Variants in ANK2 observed in about 807,000 individuals in gnomAD.
The protein encoded by ANK2 is ankyrin 2.
Under a neutral mutation model 360.5 loss-of-function variants are expected in ANK2, and 83 were observed. The observed-to-expected ratio is 0.23, with a 90% CI of 0.19 to 0.28. ANK2 has a LOEUF of 0.28. Among genes scored for constraint, ANK2 ranks in the 10% least tolerant of loss-of-function variants. The probability of loss-of-function intolerance (pLI) is 1.00; values close to 1 mark genes in which losing one functional copy is unlikely to be tolerated. For synonymous variants in ANK2, 1,740 were observed against 1,759.5 expected, an observed-to-expected ratio of 0.99 and a Z score of 0.28; for missense variants, 4,201 against 4,795.7, an observed-to-expected ratio of 0.88 and a Z score of 3.66.
At chr4:112,719,469 C>T in the ANK2 span, among the ~76,000 whole-genome samples, 1 of 152,086 alleles carries the variant, frequency 6.6e-6, no homozygotes, top group Non-Finnish European at 1.5e-5. Flanking sequence ...TGGCTCAATC[C>T]TGTAATCCCA....
intron 1 of ANK2, among the ~76,000 whole-genome samples, chr4:113,137,856 G>C (rs1035974339): frequency 5.9e-5 from 9 of 152,140 alleles, no homozygotes; most frequent in African/African-American, 2.2e-4. Context: ...ATTTCTAGCA[G>C]CATGTAGCTA....
intron 2 of ANK2, among the ~76,000 whole-genome samples, chr4:112,998,889 T>G (rs1020811974): frequency 6.6e-6 from 1 of 152,198 alleles, no homozygotes; most frequent in East Asian, 1.9e-4. Flanking sequence ...TTTGGAGAAG[T>G]CTTTCTGTAT....
chr4:112,925,731 G>T (rs1374413708), intron 2 of ANK2, among the ~76,000 whole-genome samples: 1 of 152,182 alleles, frequency 6.6e-6, no homozygotes, highest in African/African-American at 2.4e-5. Context: ...AGAAGAGTTG[G>T]CTGTTACAGA....
chr4:113,314,959 C>T (rs1216755677), intron 24 of ANK2, among the ~76,000 whole-genome samples: 1 of 152,080 alleles, frequency 6.6e-6, no homozygotes, highest in Non-Finnish European at 1.5e-5. Context: ...TTCATTGTTG[C>T]TCCCTCTCTC....
At chr4:112,885,283 G>A (rs1360003156) in intron 1 of ANK2, among the ~76,000 whole-genome samples, 2 of 151,664 alleles carry the variant, frequency 1.3e-5, no homozygotes, top group African/African-American at 2.4e-5. Context: ...GGTGGATCAC[G>A]AGGTCAGGAG....
At chr4:112,999,840 C>T (rs2049980716) in intron 2 of ANK2, among the ~76,000 whole-genome samples, 1 of 152,046 alleles carries the variant, frequency 6.6e-6, no homozygotes. Context: ...TATAGAATGT[C>T]TTAGAGATGA....
At chr4:112,712,228 T>C in the ANK2 span, among the ~76,000 whole-genome samples, 1 of 149,810 alleles carries the variant, frequency 6.7e-6, no homozygotes, top group Non-Finnish European at 1.5e-5. Context: ...TACAGGCATG[T>C]GCCACCATGC....
At chr4:113,174,960 G>A (rs1180357779) in intron 2 of ANK2, among the ~76,000 whole-genome samples, 1 of 152,120 alleles carries the variant, frequency 6.6e-6, no homozygotes, top group Non-Finnish European at 1.5e-5. Context: ...GGCTCATAAT[G>A]AGAATAATTT....
At chr4:113,103,408 T>A (rs550253085) in intron 1 of ANK2, among the ~76,000 whole-genome samples, 17 of 152,274 alleles carry the variant, frequency 1.1e-4, no homozygotes, top group African/African-American at 3.6e-4. Context: ...TACAAAAACA[T>A]CAACTGTTTT....
intron 16 of ANK2, 72 bp downstream of exon 16, chr4:113,278,007 T>G: frequency 7.2e-7 from 1 of 1,395,652 alleles, no homozygotes; most frequent in Non-Finnish European, 1.0e-6. Context: ...AAAGACATTT[T>G]TCTCACTTCT....
chr4:112,707,087 C>T, the ANK2 span, among the ~76,000 whole-genome samples: 2 of 152,094 alleles, frequency 1.3e-5, no homozygotes, highest in African/African-American at 4.8e-5. Flanking sequence ...CCATTGACTG[C>T]AAATAGGAAA....
intron 1 of ANK2, among the ~76,000 whole-genome samples, chr4:113,073,438 T>C (rs1170901311): frequency 6.6e-6 from 1 of 152,182 alleles, no homozygotes; most frequent in Non-Finnish European, 1.5e-5. Context: ...ACTGGGATTG[T>C]GCAGCCAGGA....
intron 2 of ANK2, among the ~76,000 whole-genome samples, chr4:112,977,592 T>C (rs1315041025): frequency 6.6e-6 from 1 of 151,908 alleles, no homozygotes; most frequent in Non-Finnish European, 1.5e-5. Flanking sequence ...TACTTTAAGT[T>C]CTGGGATACA....
intron 1 of ANK2, among the ~76,000 whole-genome samples, chr4:113,116,234 A>C (rs2094757034): frequency 6.6e-6 from 1 of 152,184 alleles, no homozygotes; most frequent in South Asian, 2.1e-4. Context: ...AAAGCCTTTG[A>C]TAATTAATAA....
Position 113,312,227 on chromosome 4 carries a change from C to A in ANK2, c.2693+828C>A, listed in dbSNP as rs533111415. ...CTGAGTTGGAGGATCCCTTGAGCCC[C>A]AGAATTCAAGTCCAGGCTGGGCAAC... On this transcript the variant is annotated intron_variant, in intron 24 of 45. Coordinates refer to ENST00000357077, the MANE Select transcript of ANK2 (RefSeq NM_001148.6). Among the ~76,000 whole-genome samples, 9 of 148,620 alleles carry A rather than the reference C, an allele frequency of 6.1e-5. No homozygotes were observed. In the South Asian group the frequency reaches 1.5e-3, roughly 25 times the overall value.
chr4:113,208,820 G>T (rs1562900130), intron 4 of ANK2, among the ~76,000 whole-genome samples: 1 of 151,884 alleles, frequency 6.6e-6, no homozygotes, highest in Non-Finnish European at 1.5e-5. Context: ...TTTGGTTTTG[G>T]TGAGGAGAGT....
At chr4:112,975,828 C>T (rs2041190544) in intron 2 of ANK2, among the ~76,000 whole-genome samples, 1 of 152,048 alleles carries the variant, frequency 6.6e-6, no homozygotes, top group South Asian at 2.1e-4. Context: ...GATTAGAGCT[C>T]CAGTTCATTC....
At chr4:113,195,190 C>G (rs750316100) in intron 2 of ANK2, among the ~76,000 whole-genome samples, 2 of 152,040 alleles carry the variant, frequency 1.3e-5, no homozygotes, top group Non-Finnish European at 2.9e-5. Context: ...TGTCTTTGTT[C>G]TCTGACTCTA....
intron 1 of ANK2, among the ~76,000 whole-genome samples, chr4:113,083,592 G>A (rs2083300380): frequency 6.6e-6 from 1 of 152,122 alleles, no homozygotes; most frequent in South Asian, 2.1e-4. Context: ...GTGAGAGAGA[G>A]GGGTTACTAT....
Sources: gnomAD v4.1 joint callset for allele counts (sites outside exome capture counted in the v4.1 genomes callset) on GRCh38, gnomAD v4.1.1 for gene constraint, MANE v1.5 for transcripts, NCBI Gene and HGNC (gene_info 2026-07-23, HGNC 2026-07-21) for gene names.